GPR107: variants seen among roughly 807,000 people sequenced by gnomAD.
GPR107 encodes protein GPR107.
GPR107 carries 31 observed loss-of-function variants against 75.5 expected under a neutral mutation model. The ratio of observed to expected loss-of-function variants is 0.41; its 90% CI spans 0.31 to 0.55. The LOEUF (loss-of-function observed/expected upper bound fraction) is 0.55. Ranked by LOEUF, GPR107 falls within the 20% of genes least tolerant of loss-of-function variation. The probability of loss-of-function intolerance (pLI) is 0.26; values close to 1 mark genes in which losing one functional copy is unlikely to be tolerated. For missense variants in GPR107, 572 were observed against 665.7 expected (o/e 0.86, Z 1.55); for synonymous variants, 267 against 251.3 (o/e 1.06, Z -0.59).
intron 17 of GPR107, chr9:130,129,123 A>T: frequency 5.4e-6 from 1 of 186,278 alleles, no homozygotes; most frequent in South Asian, 1.1e-4. Flanking sequence ...ACGTCTGAAA[A>T]TGGAATCTTC....
At chr9:130,117,152 G>A (rs1222929426) in intron 14 of GPR107, among the ~76,000 whole-genome samples, 2 of 152,042 alleles carry the variant, frequency 1.3e-5, no homozygotes, top group African/African-American at 4.8e-5. Context: ...TTACCATGTT[G>A]GCCAGGCTGG....
chr9:130,100,790 C>A, intron 11 of GPR107, 88 bp downstream of exon 11: 1 of 925,922 alleles, frequency 1.1e-6, no homozygotes, highest in Non-Finnish European at 1.8e-6. Flanking sequence ...GTTAACCAGC[C>A]CTGCCCTCCT....
chr9:130,114,185 A>G (rs1409262612), intron 14 of GPR107, among the ~76,000 whole-genome samples: 2 of 151,792 alleles, frequency 1.3e-5, no homozygotes, highest in Admixed American at 6.6e-5. Context: ...CCTGGCCAAC[A>G]TGGTAAAACC....
rs888388887 is a variant in GPR107, at chr9:130,086,891, G to T, written c.621+415G>T. On this transcript the variant is annotated intron_variant, in intron 7 of 17. Coordinates refer to ENST00000347136, the MANE Select transcript of GPR107 (RefSeq NM_020960.5). ...GAGATGATTTCACCTAGACTCAGAG[G>T]CTTTGAGTGACCTGCTTAGCTGTCA... 5.8e-4 allele frequency among the ~76,000 whole-genome samples: 88 copies of T among 152,110 alleles called. 5 individuals carry two copies. Among genetic ancestry groups the T allele is most frequent in the Non-Finnish European group, 7.3e-5 (5 of 68,032 alleles).
intron 13 of GPR107, 84 bp downstream of exon 13, chr9:130,104,634 C>G (rs1564676261): frequency 2.7e-6 from 3 of 1,113,766 alleles, no homozygotes; most frequent in Non-Finnish European, 4.0e-6. Context: ...AAACTGATCT[C>G]AGTCACATGG....
chr9:130,080,849 A>ATATTC (rs1830479667), intron 5 of GPR107, among the ~76,000 whole-genome samples: 1 of 150,932 alleles, frequency 6.6e-6, no homozygotes, highest in Non-Finnish European at 1.5e-5. Context: ...TGTGTTGATT[A>ATATTC]ACCAATTTAT....
intron 14 of GPR107, among the ~76,000 whole-genome samples, chr9:130,113,522 C>T (rs745551648): frequency 4.7e-4 from 72 of 152,322 alleles, no homozygotes; most frequent in South Asian, 4.1e-4. Context: ...TGAGCCACCA[C>T]ACCCGGCCAG....
At chr9:130,097,446 C>T (rs918042859) in intron 9 of GPR107, among the ~76,000 whole-genome samples, 2 of 152,052 alleles carry the variant, frequency 1.3e-5, no homozygotes, top group Admixed American at 6.6e-5. Context: ...TGAGCCACTG[C>T]GCCCAGCCAT....
chr9:130,133,501 C>G (rs1370273189), intron 17 of GPR107, among the ~76,000 whole-genome samples: 1 of 152,192 alleles, frequency 6.6e-6, no homozygotes, highest in East Asian at 1.9e-4. Flanking sequence ...TGCTACGTGG[C>G]TCGGGGCAGG....
At chr9:130,058,496 G>A (rs990128848) in intron 1 of GPR107, among the ~76,000 whole-genome samples, 8 of 151,040 alleles carry the variant, frequency 5.3e-5, no homozygotes, top group Non-Finnish European at 8.8e-5. Context: ...ACGGAGTCTC[G>A]GACTGTTGCC....
intron 17 of GPR107, among the ~76,000 whole-genome samples, chr9:130,132,810 T>A (rs1238581284): frequency 8.0e-6 from 1 of 124,660 alleles, no homozygotes. Flanking sequence ...AAAAAAAATA[T>A]ATATATATTT....
In GPR107 at chr9:130,124,915, C is replaced by T. The variant is rs1299704936; in HGVS notation, c.1307C>T (p.Ala436Val). Residue 436 changes from alanine to valine, a missense_variant and splice_region_variant, in exon 15 of 18, where the codon GCT becomes GTT. Physicochemically the swap from Ala to Val is moderately conservative, Grantham distance 64. Transcript: ENST00000347136. Reference protein sequence around the residue: ...LQEASATDGKAAINLAKLKLF... With the variant: ...LQEASATDGKVAINLAKLKLF... ...TCATTTTGTTCTTTCTTCTCTCTAG[C>T]TGCTATTAACTTAGCAAAGCTGAAA... 2 of 1,544,148 alleles carry T rather than the reference C, an allele frequency of 1.3e-6. No individual in the cohort carries two copies. The highest frequency in any genetic ancestry group is 1.8e-6 in the Non-Finnish European group (2 of 1,132,282).
At position 130,135,163 on chromosome 9, in the gene GPR107, A is replaced by C. The variant is rs781814235; in HGVS notation, c.*42A>C. 1 of 1,087,206 alleles carries C rather than the reference A, an allele frequency of 9.2e-7. No homozygotes were observed. Among genetic ancestry groups the C allele is most frequent in the Non-Finnish European group, 1.4e-6 (1 of 732,538 alleles). 67.3% of individuals were successfully genotyped at this position (1,087,206 alleles called of 1,614,324 possible). On this transcript the variant is annotated 3_prime_UTR_variant, in exon 18 of 18. Transcript: ENST00000347136. The stretch of plus-strand genomic sequence containing the variant: ...GATGGCACTGTCCAAGGAAACTGTT[A>C]ACTTATTCATAGTCCTATTGGACAG...
chr9:130,056,364 C>T (rs987846076), intron 1 of GPR107, among the ~76,000 whole-genome samples: 9 of 151,410 alleles, frequency 5.9e-5, no homozygotes, highest in Non-Finnish European at 1.0e-4. Flanking sequence ...GCAGGAGAAT[C>T]GCTTGGACCC....
intron 1 of GPR107, among the ~76,000 whole-genome samples, chr9:130,058,621 C>T (rs190231206): frequency 6.6e-5 from 10 of 152,222 alleles, no homozygotes; most frequent in African/African-American, 1.2e-4. Context: ...CCTGCCACCA[C>T]GCTCAGCTAA....
chr9:130,076,528 C>A, intron 3 of GPR107, 66 bp downstream of exon 3: 1 of 981,920 alleles, frequency 1.0e-6, no homozygotes, highest in South Asian at 1.3e-5. Flanking sequence ...ACGGGAACAC[C>A]CTACTTCTTG....
At chr9:130,054,953 G>A (rs1829716155) in intron 1 of GPR107, among the ~76,000 whole-genome samples, 1 of 152,150 alleles carries the variant, frequency 6.6e-6, no homozygotes, top group South Asian at 2.1e-4. Context: ...ACCAGGTGTG[G>A]TGGCAAACGC....
chr9:130,096,823 G>A (rs987304476), intron 9 of GPR107, among the ~76,000 whole-genome samples: 1 of 152,180 alleles, frequency 6.6e-6, no homozygotes, highest in African/African-American at 2.4e-5. Flanking sequence ...TTTATTTTAA[G>A]TTTACATAAA....
chr9:130,111,932 A>G (rs77563441), intron 14 of GPR107, among the ~76,000 whole-genome samples: 5,010 of 152,090 alleles, frequency 0.033, 279 homozygotes, highest in African/African-American at 0.11. Context: ...GCATCCTCCG[A>G]GAGGGAGCTT....
Sources: gnomAD v4.1 joint callset for allele counts (sites outside exome capture counted in the v4.1 genomes callset) on GRCh38, gnomAD v4.1.1 for gene constraint, MANE v1.5 for transcripts, NCBI Gene and HGNC (gene_info 2026-07-23, HGNC 2026-07-21) for gene names.